The following CHST9 variants were observed in gnomAD, a reference collection of about 807,000 sequenced individuals.
CHST9 encodes carbohydrate sulfotransferase 9, also known as GalNAc-4-sulfotransferase 2.
In CHST9, 41 loss-of-function variants were observed where a neutral mutation model predicts 44.4. That is an observed-to-expected ratio of 0.92 (90% CI 0.72 to 1.20). The LOEUF (loss-of-function observed/expected upper bound fraction) is 1.20, where lower values mean the gene tolerates loss of function less well. CHST9 is among the 50% of genes most tolerant of loss of function. The pLI is 0.00. For synonymous variants in CHST9, 171 were observed against 178.4 expected, an observed-to-expected ratio of 0.96 and a Z score of 0.33; for missense variants, 504 against 516.5, an observed-to-expected ratio of 0.98 and a Z score of 0.23.
At chr18:27,160,553 G>A (rs1055772985) in intron 1 of CHST9, among the ~76,000 whole-genome samples, 4 of 152,024 alleles carry the variant, frequency 2.6e-5, no homozygotes, top group Admixed American at 6.6e-5. Flanking sequence ...TTCATCAGGG[G>A]TATTGGTCCA....
chr18:27,184,206 T>C (rs1181189534), intron 1 of CHST9, among the ~76,000 whole-genome samples: 3 of 152,114 alleles, frequency 2.0e-5, no homozygotes, highest in African/African-American at 7.2e-5. Context: ...TATTATTCAC[T>C]TGCCATCGCT....
intron 4 of CHST9, among the ~76,000 whole-genome samples, chr18:26,960,617 G>T (rs1039297919): frequency 2.0e-5 from 3 of 152,198 alleles, no homozygotes; most frequent in Admixed American, 1.3e-4. Context: ...GCATATGGGA[G>T]TTATTTATAT....
intron 5 of CHST9, among the ~76,000 whole-genome samples, chr18:26,931,917 C>A (rs1276165287): frequency 6.6e-6 from 1 of 151,998 alleles, no homozygotes; most frequent in Non-Finnish European, 1.5e-5. Context: ...CAGTCTTGTC[C>A]AGCTCCAAAA....
At chr18:27,178,652 T>G (rs2058886918) in intron 1 of CHST9, among the ~76,000 whole-genome samples, 1 of 80,302 alleles carries the variant, frequency 1.2e-5, no homozygotes. Flanking sequence ...AAATACTGTA[T>G]ATTGCACAAA....
intron 4 of CHST9, among the ~76,000 whole-genome samples, chr18:26,948,677 G>T (rs573401370): frequency 1.3e-5 from 2 of 152,298 alleles, no homozygotes; most frequent in South Asian, 2.1e-4. Flanking sequence ...CTAGGTGTTT[G>T]AACTGGGGCT....
chr18:27,117,320 C>T (rs1470151398), intron 2 of CHST9, among the ~76,000 whole-genome samples: 4 of 151,878 alleles, frequency 2.6e-5, no homozygotes, highest in Non-Finnish European at 5.9e-5. Context: ...TCCATATACC[C>T]CCTGCCCCAC....
At chr18:27,100,020 GATAT>G (rs10589747) in intron 2 of CHST9, among the ~76,000 whole-genome samples, 10 of 149,982 alleles carry the variant, frequency 6.7e-5, no homozygotes, top group African/African-American at 1.5e-4. Flanking sequence ...TATATATAAT[GATAT>G]ATATATATAT....
intron 5 of CHST9, among the ~76,000 whole-genome samples, chr18:26,940,585 G>A (rs1353223162): frequency 6.6e-6 from 1 of 152,198 alleles, no homozygotes; most frequent in Non-Finnish European, 1.5e-5. Flanking sequence ...CCGAGCAAAT[G>A]AGACAAGGGC....
At chr18:27,001,642 C>A (rs1016883859) in intron 4 of CHST9, among the ~76,000 whole-genome samples, 1 of 151,692 alleles carries the variant, frequency 6.6e-6, no homozygotes, top group Non-Finnish European at 1.5e-5. Flanking sequence ...AAGACTATGC[C>A]CTCCTGATTC....
intron 3 of CHST9, among the ~76,000 whole-genome samples, chr18:27,042,771 CTA>C (rs1456560356): frequency 3.3e-5 from 5 of 151,724 alleles, no homozygotes; most frequent in African/African-American, 1.2e-4. Context: ...TCTTCTCTCT[CTA>C]TCTCTCTCTC....
intron 1 of CHST9, among the ~76,000 whole-genome samples, chr18:27,179,194 T>C (rs191227971): frequency 2.6e-5 from 4 of 152,008 alleles, no homozygotes; most frequent in Non-Finnish European, 5.9e-5. Flanking sequence ...TTACCCAGCA[T>C]GTACTTCAGT....
intron 3 of CHST9, among the ~76,000 whole-genome samples, chr18:27,041,105 TA>T (rs2057439804): frequency 6.6e-6 from 1 of 152,156 alleles, no homozygotes; most frequent in Admixed American, 6.6e-5. Context: ...ACTTCCACGA[TA>T]AATTAGTTGA....
At chr18:27,014,680 GA>G (rs201957768) in intron 4 of CHST9, among the ~76,000 whole-genome samples, 1 of 151,166 alleles carries the variant, frequency 6.6e-6, no homozygotes, top group African/African-American at 2.4e-5. Flanking sequence ...TCCACCTCCT[GA>G]AAAAAAACAT....
intron 4 of CHST9, among the ~76,000 whole-genome samples, chr18:26,970,707 C>T (rs1174386147): frequency 6.6e-6 from 1 of 152,172 alleles, no homozygotes; most frequent in East Asian, 1.9e-4. Context: ...GGATTATAGG[C>T]GTGAGCCAAT....
At chr18:26,936,672 T>G (rs2055998333) in intron 5 of CHST9, 1 of 152,122 alleles carries the variant, frequency 6.6e-6, no homozygotes, top group African/African-American at 2.4e-5. Flanking sequence ...TATGCTAAGC[T>G]GAAACATTTC....
At chr18:26,921,656 C>T (rs1372669013) in intron 5 of CHST9, among the ~76,000 whole-genome samples, 1 of 152,028 alleles carries the variant, frequency 6.6e-6, no homozygotes, top group Admixed American at 6.5e-5. Flanking sequence ...ATTTAAAGCT[C>T]ATACCAACAA....
intron 2 of CHST9, among the ~76,000 whole-genome samples, chr18:27,052,300 G>C (rs1440711452): frequency 7.0e-6 from 1 of 143,528 alleles, no homozygotes; most frequent in East Asian, 1.9e-4. Flanking sequence ...GTGTATATAT[G>C]TATATATGTG....
intron 3 of CHST9, among the ~76,000 whole-genome samples, chr18:27,025,488 T>C (rs2057275761): frequency 6.6e-6 from 1 of 152,182 alleles, no homozygotes; most frequent in African/African-American, 2.4e-5. Context: ...TGCCAAAAAA[T>C]ACCAGTTTAC....
intron 4 of CHST9, among the ~76,000 whole-genome samples, chr18:26,981,045 C>A (rs546900008): frequency 4.5e-4 from 68 of 152,172 alleles, no homozygotes; most frequent in African/African-American, 1.6e-3. Flanking sequence ...GTTGATGGAG[C>A]CACAGGAGGC....
Sources: gnomAD v4.1 joint callset for allele counts (sites outside exome capture counted in the v4.1 genomes callset) on GRCh38, gnomAD v4.1.1 for gene constraint, MANE v1.5 for transcripts, NCBI Gene and HGNC (gene_info 2026-07-23, HGNC 2026-07-21) for gene names.